RGS12: variants seen among roughly 807,000 people sequenced by gnomAD.
The protein encoded by RGS12 is regulator of G-protein signaling 12.
A neutral mutation model predicts 120.1 loss-of-function variants in RGS12; 66 were observed. The ratio of observed to expected loss-of-function variants is 0.55; its 90% confidence interval spans 0.45 to 0.67. RGS12 has a LOEUF of 0.67. Ranked by LOEUF, RGS12 falls within the 30% of genes least tolerant of loss-of-function variation. The probability of loss-of-function intolerance (pLI) is 0.00; values close to 1 mark genes in which losing one functional copy is unlikely to be tolerated. For missense variants in RGS12, 1,859 were observed against 1,957.7 expected (o/e 0.95, Z 0.95); for synonymous variants, 827 against 804.7 (o/e 1.03, Z -0.47).
rs1016128834 is a variant in RGS12 at position 3,340,304 on chromosome 4, A to G, written c.1882-2633A>G. Among the ~76,000 whole-genome samples the G allele has an allele frequency of 8.5e-5, 13 of 152,230 alleles. 1 individual carries two copies. The highest frequency in any genetic ancestry group is 4.4e-5 in the Non-Finnish European group (3 of 68,040). On this transcript the variant is annotated intron_variant, in intron 2 of 17. Coordinates refer to ENST00000336727, the MANE Select transcript of RGS12 (RefSeq NM_001394154.1). ...GGCGCTGCTGCTGTCGTCCCATGGC[A>G]GTCCCCTGGGGGAGATTCCTCATGG...
At position 3,439,592 on chromosome 4, in the gene RGS12, G is replaced by A. The variant is rs202034488; in HGVS notation, c.4252G>A (p.Gly1418Arg). Residue 1418 changes from glycine (G) to arginine (R), a missense_variant, in exon 18 of 18, where the codon GGG becomes AGG. Transcript: ENST00000336727. ...CCCTGGGAGGTCGCAGGCCAGTGGT[G>A]GGCCTCCTACATCAGACCTCCCTGG... ...AGPGRSQASG[G>R]PPTSDLPGLG... 36 of 1,610,346 alleles carry A rather than the reference G, an allele frequency of 2.2e-5. No individual in the cohort carries two copies. The East Asian group carries it at 7.8e-4, about 35-fold the overall frequency.
chr4:3,370,771 A>G (rs1395104391), intron 3 of RGS12, among the ~76,000 whole-genome samples: 1 of 152,216 alleles, frequency 6.6e-6, no homozygotes, highest in Non-Finnish European at 1.5e-5. Context: ...TGATTTGGCT[A>G]TTGTGCATAT....
At chr4:3,373,564 T>G (rs1302563666) in intron 3 of RGS12, among the ~76,000 whole-genome samples, 1 of 152,216 alleles carries the variant, frequency 6.6e-6, no homozygotes, top group Admixed American at 6.5e-5. Context: ...TGACCGCGTC[T>G]CTTAAATGGC....
chr4:3,356,227 G>A (rs1055629458), intron 3 of RGS12, among the ~76,000 whole-genome samples: 2 of 151,718 alleles, frequency 1.3e-5, no homozygotes, highest in African/African-American at 4.8e-5. Flanking sequence ...GATAATTTTT[G>A]TATTTTTTGT....
chr4:3,298,227 T>G (rs1293147201), intron 1 of RGS12, among the ~76,000 whole-genome samples: 1 of 152,242 alleles, frequency 6.6e-6, no homozygotes, highest in Non-Finnish European at 1.5e-5. Context: ...GTTTTTAAAT[T>G]TCAAAGATAA....
At chr4:3,289,150 A>G (rs1006516954), upstream of RGS12, among the ~76,000 whole-genome samples, 1 of 152,170 alleles carries the variant, frequency 6.6e-6, no homozygotes, top group Non-Finnish European at 1.5e-5. Context: ...ATTGTTTTAC[A>G]TGTTTTCTTA....
intron 3 of RGS12, among the ~76,000 whole-genome samples, chr4:3,360,318 G>T (rs1293593644): frequency 6.6e-6 from 1 of 151,880 alleles, no homozygotes; most frequent in Admixed American, 6.6e-5. Flanking sequence ...GAACCAACTA[G>T]GTTTTGTTAA....
chr4:3,412,967 G>A (rs1721897514), intron 4 of RGS12: 1 of 151,942 alleles, frequency 6.6e-6, no homozygotes, highest in South Asian at 2.1e-4. Context: ...CCCCCACACT[G>A]CTCACGTCAG....
intron 1 of RGS12, among the ~76,000 whole-genome samples, chr4:3,293,303 C>CGCGGG (rs532215407): frequency 0.015 from 2,128 of 143,884 alleles, 48 homozygotes; most frequent in African/African-American, 0.046. Flanking sequence ...CCGGGCCCGG[C>CGCGGG]GCGGGGCGGG....
intron 16 of RGS12, among the ~76,000 whole-genome samples, chr4:3,429,758 T>C (rs901898775): frequency 6.6e-6 from 1 of 152,168 alleles, no homozygotes; most frequent in African/African-American, 2.4e-5. Context: ...GGGGCACCCG[T>C]CCTGGCCCCT....
At chr4:3,377,184 GCCTCAGCCCCCCA>G (rs1717795325) in intron 3 of RGS12, among the ~76,000 whole-genome samples, 1 of 151,984 alleles carries the variant, frequency 6.6e-6, no homozygotes, top group Non-Finnish European at 1.5e-5. Flanking sequence ...CGATCCTCCT[GCCTCAGCCCCCCA>G]AGTAGCTGGA....
chr4:3,300,760 G>A (rs970209604), intron 1 of RGS12, among the ~76,000 whole-genome samples: 1 of 152,208 alleles, frequency 6.6e-6, no homozygotes, highest in Non-Finnish European at 1.5e-5. Context: ...CTTTCTCTGG[G>A]TCTGTGTGTC....
At chr4:3,300,282 C>T (rs1426378148) in intron 1 of RGS12, among the ~76,000 whole-genome samples, 1 of 152,170 alleles carries the variant, frequency 6.6e-6, no homozygotes, top group African/African-American at 2.4e-5. Context: ...AGCTGGAGTG[C>T]AGTGAAGGTG....
intron 1 of RGS12, among the ~76,000 whole-genome samples, chr4:3,302,278 C>G (rs1723728170): frequency 6.6e-6 from 1 of 151,748 alleles, no homozygotes; most frequent in African/African-American, 2.4e-5. Flanking sequence ...CATCACCAGG[C>G]CGGTGCCCAG....
At chr4:3,431,604 A>G in intron 17 of RGS12, 1 of 985,598 alleles carries the variant, frequency 1.0e-6, no homozygotes, top group South Asian at 4.7e-5. Flanking sequence ...GCCTGGCAGC[A>G]GGGATGTTTC....
Position 3,422,577 on chromosome 4 carries a change from G to A in RGS12, c.3033+7G>A. ...CCTGGTGGGCGGGGACAAGGTACTG[G>A]GCCCGCCTGACCCTCGTGCTGCCCT... On this transcript the variant is annotated splice_region_variant and intron_variant, in intron 11 of 17. Transcript: ENST00000336727. 1.2e-6 allele frequency: 2 copies of A among 1,608,978 alleles called. No individual in the cohort carries two copies. Among genetic ancestry groups the A allele is most frequent in the Non-Finnish European group, 1.7e-6 (2 of 1,178,628 alleles).
At chr4:3,363,151 G>A (rs954491176) in intron 3 of RGS12, among the ~76,000 whole-genome samples, 7 of 151,874 alleles carry the variant, frequency 4.6e-5, no homozygotes, top group African/African-American at 1.5e-4. Context: ...GTGTGTGCGC[G>A]AGGGCGTGTG....
upstream of RGS12, among the ~76,000 whole-genome samples, chr4:3,290,239 A>C (rs1472802127): frequency 1.3e-5 from 2 of 152,202 alleles, no homozygotes; most frequent in Non-Finnish European, 2.9e-5. Context: ...ACTCTTTTCC[A>C]TAATGGCTGT....
At chr4:3,324,253 G>T (rs982745422) in intron 2 of RGS12, 2 of 154,568 alleles carry the variant, frequency 1.3e-5, no homozygotes, top group Non-Finnish European at 2.9e-5. Context: ...ATCTCAGGAC[G>T]CAGGCAGGCA....
Sources: allele counts gnomAD v4.1 joint callset (sites outside exome capture counted in the v4.1 genomes callset), GRCh38; gene constraint gnomAD v4.1.1; transcripts MANE v1.5; gene names NCBI Gene and HGNC (gene_info 2026-07-23, HGNC 2026-07-21).